Variants in ADK observed in about 807,000 individuals in gnomAD.
ADK encodes the protein adenosine kinase, also known as N6,N6-dimethyladenosine kinase.
ADK carries 24 observed loss-of-function variants against 44.7 expected under a neutral mutation model. The ratio of observed to expected loss-of-function variants is 0.54; its 90% confidence interval spans 0.39 to 0.76. The LOEUF (loss-of-function observed/expected upper bound fraction) is 0.76, where lower values mean the gene tolerates loss of function less well. Ranked by LOEUF, ADK falls within the 30% of genes least tolerant of loss-of-function variation. The pLI is 0.00. For synonymous variants in ADK, 128 were observed against 142.6 expected (o/e 0.90, Z 0.73); for missense variants, 321 against 425.1 (o/e 0.76, Z 2.15).
chr10:74,665,961 C>G (rs761296040), intron 9 of ADK, among the ~76,000 whole-genome samples: 1 of 152,122 alleles, frequency 6.6e-6, no homozygotes, highest in Non-Finnish European at 1.5e-5. Context: ...ATTCTTTGAA[C>G]AAAATTTTCT....
At chr10:74,189,764 C>G (rs1189778503) in intron 1 of ADK, among the ~76,000 whole-genome samples, 1 of 152,170 alleles carries the variant, frequency 6.6e-6, no homozygotes, top group South Asian at 2.1e-4. Flanking sequence ...GTCTCCCTAA[C>G]CTCTAACCCC....
chr10:74,517,215 CTT>C (rs1447966520), intron 6 of ADK, among the ~76,000 whole-genome samples: 3 of 152,184 alleles, frequency 2.0e-5, no homozygotes, highest in Admixed American at 6.5e-5. Flanking sequence ...ATTTCTCACA[CTT>C]TATGTTCAAC....
At chr10:74,506,394 A>G (rs139679989) in intron 6 of ADK, 299 of 222,638 alleles carry the variant, frequency 1.3e-3, no homozygotes, top group Non-Finnish European at 2.0e-3. Context: ...GAGCACTTCC[A>G]GCATCACTAG....
chr10:74,249,709 C>T (rs1370159976), intron 3 of ADK, among the ~76,000 whole-genome samples: 1 of 152,124 alleles, frequency 6.6e-6, no homozygotes, highest in African/African-American at 2.4e-5. Context: ...CTCTTAGATA[C>T]ACAGATATGT....
At chr10:74,412,213 A>T (rs1844206358) in intron 6 of ADK, among the ~76,000 whole-genome samples, 1 of 151,928 alleles carries the variant, frequency 6.6e-6, no homozygotes, top group Admixed American at 6.6e-5. Flanking sequence ...ACAGGGTTTT[A>T]CTCCTGTCAC....
intron 8 of ADK, among the ~76,000 whole-genome samples, chr10:74,590,256 G>C (rs1005260992): frequency 6.6e-6 from 1 of 152,172 alleles, no homozygotes; most frequent in Non-Finnish European, 1.5e-5. Context: ...CAGCCGAAAT[G>C]TAGGAACTTT....
chr10:74,342,599 A>C (rs1489609219), intron 4 of ADK, among the ~76,000 whole-genome samples: 1 of 152,126 alleles, frequency 6.6e-6, no homozygotes, highest in Non-Finnish European at 1.5e-5. Context: ...CAGCCTCCCA[A>C]GTAGCTGAGA....
At chr10:74,233,957 A>G (rs1039213410) in intron 3 of ADK, among the ~76,000 whole-genome samples, 2 of 152,250 alleles carry the variant, frequency 1.3e-5, no homozygotes, top group African/African-American at 4.8e-5. Flanking sequence ...TTGACAAGAT[A>G]TATTTATGGG....
chr10:74,526,478 G>C (rs1228768282), intron 7 of ADK, among the ~76,000 whole-genome samples: 1 of 152,096 alleles, frequency 6.6e-6, no homozygotes, highest in African/African-American at 2.4e-5. Context: ...ATACAATGAA[G>C]GTATTGTATT....
intron 4 of ADK, among the ~76,000 whole-genome samples, chr10:74,373,422 C>G (rs912644680): frequency 6.4e-4 from 97 of 152,194 alleles, no homozygotes; most frequent in African/African-American, 2.2e-3. Context: ...ACTCACATAT[C>G]TATTTTATCT....
chr10:74,376,388 G>A (rs76219772), intron 4 of ADK, among the ~76,000 whole-genome samples: 165 of 151,850 alleles, frequency 1.1e-3, no homozygotes, highest in African/African-American at 3.9e-3. Flanking sequence ...TTATTTCATA[G>A]CTTTTTATTA....
At chr10:74,425,610 G>A (rs1050559145) in intron 6 of ADK, among the ~76,000 whole-genome samples, 1 of 152,150 alleles carries the variant, frequency 6.6e-6, no homozygotes, top group African/African-American at 2.4e-5. Context: ...GTGGAGTTGG[G>A]AAAAGATATG....
chr10:74,350,773 G>C (rs535602511), intron 4 of ADK, among the ~76,000 whole-genome samples: 1 of 152,158 alleles, frequency 6.6e-6, no homozygotes, highest in African/African-American at 2.4e-5. Context: ...TACCAACAGA[G>C]AATACTATAA....
chr10:74,176,854 T>G, intron 1 of ADK: 1 of 1,608,246 alleles, frequency 6.2e-7, no homozygotes, highest in Non-Finnish European at 8.5e-7. Flanking sequence ...GCCGTGGCGC[T>G]GGGCAGGAGG....
intron 6 of ADK, among the ~76,000 whole-genome samples, chr10:74,475,716 AAGAG>A (rs1252202839): frequency 2.0e-5 from 3 of 151,930 alleles, no homozygotes; most frequent in East Asian, 3.9e-4. Context: ...TAAACAGAGA[AAGAG>A]AGAGAAAGAG....
At chr10:74,649,121 G>A (rs752410059) in intron 9 of ADK, among the ~76,000 whole-genome samples, 1 of 152,022 alleles carries the variant, frequency 6.6e-6, no homozygotes, top group Non-Finnish European at 1.5e-5. Flanking sequence ...GTAGGGGCAG[G>A]AGAATCACTT....
chr10:74,290,106 A>ACACACT (rs1361600555), intron 3 of ADK, among the ~76,000 whole-genome samples: 3 of 151,908 alleles, frequency 2.0e-5, no homozygotes, highest in Non-Finnish European at 1.5e-5. Context: ...ACACACTCAC[A>ACACACT]CACACTCACA....
intron 10 of ADK, among the ~76,000 whole-genome samples, chr10:74,685,588 T>C (rs528455428): frequency 2.1e-4 from 32 of 152,320 alleles, no homozygotes; most frequent in Non-Finnish European, 4.0e-4. Flanking sequence ...GTAGAAGAAA[T>C]TGACTTTTCA....
intron 6 of ADK, among the ~76,000 whole-genome samples, chr10:74,495,597 T>C (rs548464905): frequency 1.6e-4 from 24 of 152,326 alleles, no homozygotes; most frequent in African/African-American, 5.8e-4. Flanking sequence ...CTATTTGGTA[T>C]GTAAGTGTTC....
Sources: gnomAD v4.1 joint callset for allele counts (sites outside exome capture counted in the v4.1 genomes callset) on GRCh38, gnomAD v4.1.1 for gene constraint, MANE v1.5 for transcripts, NCBI Gene and HGNC (gene_info 2026-07-23, HGNC 2026-07-21) for gene names.